SLC16A6: variants seen among roughly 807,000 people sequenced by gnomAD.
SLC16A6 encodes the protein solute carrier family 16 member 6.
A neutral mutation model predicts 33.8 loss-of-function variants in SLC16A6; 15 were observed. The ratio of observed to expected loss-of-function variants is 0.44; its 90% CI spans 0.30 to 0.68. The LOEUF (loss-of-function observed/expected upper bound fraction) is 0.68. SLC16A6 is among the 30% of genes least tolerant of loss of function. The pLI, the probability that SLC16A6 is intolerant of heterozygous loss-of-function variation, is 0.10. For missense variants in SLC16A6, 451 were observed against 661.5 expected (o/e 0.68, Z 3.49); for synonymous variants, 219 against 248.4 (o/e 0.88, Z 1.11).
At chr17:68,269,625 T>A (rs1555747764) in intron 5 of SLC16A6, among the ~76,000 whole-genome samples, 3 of 147,100 alleles carry the variant, frequency 2.0e-5, no homozygotes, top group Non-Finnish European at 1.5e-5. Flanking sequence ...AAAGGTAATA[T>A]TCTTCGGTAG....
chr17:68,279,304 G>A (rs782820999), intron 1 of SLC16A6, among the ~76,000 whole-genome samples: 12 of 151,794 alleles, frequency 7.9e-5, no homozygotes, highest in Non-Finnish European at 1.5e-4. Flanking sequence ...CCTGGCCACC[G>A]CGATCACCTA....
chr17:68,274,242 G>T, intron 2 of SLC16A6, 172 bp from the exon 3 acceptor site: 1 of 582,400 alleles, frequency 1.7e-6, no homozygotes. Context: ...GAGGACGGAG[G>T]ATCGCTTGAG....
chr17:68,271,505 G>A lies in SLC16A6; in HGVS notation c.655C>T (p.Arg219Trp), dbSNP rs145765322. ...ASPKIVIQEN[R>W]KEAQYMLENE... ...TCAAGCATATACTGCGCTTCTTTCC[G>A]ATTTTCCTGGATGACTATTTTCGGT... Residue 219 changes from arginine to tryptophan, a missense_variant, in exon 5 of 6, where the codon CGG becomes TGG. Around this residue, in one of 2 missense-constraint regions of SLC16A6, gnomAD observed 405 missense variants for 510.7 expected, o/e 0.79. Transcript: ENST00000580666. This position sits in a 1 kb window ranked among gnomAD's most constrained non-coding sequence, Gnocchi z 5.3. 1.2e-5 allele frequency: 20 copies of A among 1,613,960 alleles called. No individual in the cohort carries two copies. In the African/African-American group the frequency reaches 1.9e-4, roughly 15 times the overall value.
Position 68,271,289 on chromosome 17 carries a change from C to G in SLC16A6, c.871G>C (p.Glu291Gln). 5.0e-6 allele frequency: 8 copies of G among 1,614,204 alleles called. No individual in the cohort carries two copies. The Middle Eastern group carries it at 4.9e-4, about 100-fold the overall frequency. The change falls in exon 5 of 6, where the codon GAG becomes CAG. Residue 291 changes from glutamate to glutamine, a missense_variant. Around this residue, in one of 2 missense-constraint regions of SLC16A6, gnomAD observed 405 missense variants for 510.7 expected, o/e 0.79. Coordinates refer to ENST00000580666, the MANE Select transcript of SLC16A6 (RefSeq NM_004694.5). This position sits in a 1 kb window ranked among gnomAD's most constrained non-coding sequence, Gnocchi z 5.3. The stretch of plus-strand genomic sequence containing the variant: ...AATGCATAACAAATAAAACTTTTCT[C>G]TTTCAAAATGGAGAAGTCTAATAGC... ...APLLDFSILK[E>Q]KSFICYALFG...
chr17:68,271,705 C>T lies in SLC16A6; in HGVS notation c.506-51G>A. The T allele has an allele frequency of 6.9e-7, 1 of 1,453,502 alleles. No individual in the cohort carries two copies. The highest frequency in any genetic ancestry group is 1.3e-5 in the South Asian group (1 of 79,516). 90.0% of individuals were successfully genotyped at this position (1,453,502 alleles called of 1,614,324 possible). A position where few individuals can be genotyped will look rare whatever the true frequency, so the allele number is the denominator to read the frequency against. On this transcript the variant is annotated intron_variant, in intron 4 of 5. Transcript: ENST00000580666. The surrounding 1 kb of genome is among the most constrained non-coding windows in gnomAD (Gnocchi z 5.3). ...AATAATATAAGGTCAATAATGGACT[C>T]AAGACCCAGGAGAAGCCATCAAGAA...
rs1250011332 is a variant in SLC16A6, at chr17:68,269,028, T to C, written c.*68A>G. 6.3e-7 allele frequency: 1 copy of C among 1,593,138 alleles called. No individual in the cohort carries two copies. The highest frequency in any genetic ancestry group is 1.4e-5 in the African/African-American group (1 of 73,698). On this transcript the variant is annotated 3_prime_UTR_variant, in exon 6 of 6. Coordinates refer to ENST00000580666, the MANE Select transcript of SLC16A6 (RefSeq NM_004694.5). ...AGAGGGGTTAGCTCCTCTGCCTCCTTGTGTCCCCGTTGGGCCCACCCCATC... is the reference window on the plus strand; with the variant it reads ...AGAGGGGTTAGCTCCTCTGCCTCCTCGTGTCCCCGTTGGGCCCACCCCATC...
At chr17:68,278,010 C>T in intron 2 of SLC16A6, 79 bp downstream of exon 2, 1 of 905,234 alleles carries the variant, frequency 1.1e-6, no homozygotes, top group Non-Finnish European at 1.7e-6. Flanking sequence ...ATCACAAACA[C>T]ATCGACTACC....
intron 1 of SLC16A6, among the ~76,000 whole-genome samples, chr17:68,283,688 A>G (rs531536742): frequency 6.6e-6 from 1 of 151,750 alleles, no homozygotes; most frequent in East Asian, 2.0e-4. Flanking sequence ...CCCTGAAAGT[A>G]TAGTCTTGAA....
At chr17:68,287,822 A>C (rs1303252345) in intron 1 of SLC16A6, among the ~76,000 whole-genome samples, 1 of 152,198 alleles carries the variant, frequency 6.6e-6, no homozygotes. Context: ...GTATTTAAGT[A>C]AAGTCATGCA....
chr17:68,289,644 TAAAA>T (rs538435215), intron 1 of SLC16A6, among the ~76,000 whole-genome samples: 3 of 152,104 alleles, frequency 2.0e-5, no homozygotes, highest in Non-Finnish European at 4.4e-5. Flanking sequence ...ATTCTCTATT[TAAAA>T]AAAATTTCCA....
intron 1 of SLC16A6, among the ~76,000 whole-genome samples, chr17:68,284,417 T>C (rs781994877): frequency 1.4e-4 from 21 of 152,014 alleles, no homozygotes; most frequent in Non-Finnish European, 2.8e-4. Flanking sequence ...AAATAATAAA[T>C]AAAATGTAAA....
Position 68,270,965 on chromosome 17 carries a change from T to C in SLC16A6, c.1195A>G (p.Ile399Val). Residue 399 changes from isoleucine (I) to valine (V), a missense_variant, in exon 5 of 6, where the codon ATA (isoleucine) becomes GTA (valine). Coordinates refer to ENST00000580666, the MANE Select transcript of SLC16A6 (RefSeq NM_004694.5). Reference sequence around the variant, plus strand: ...AGCAGTGGAATGTGAGTCCCTCCTATTGTTCCAACCATAAACCCAAAAAAT... The same window carrying C: ...AGCAGTGGAATGTGAGTCCCTCCTACTGTTCCAACCATAAACCCAAAAAAT... Reference protein sequence around the residue: ...SIFFGFMVGTIGGTHIPLLAE... With the variant: ...SIFFGFMVGTVGGTHIPLLAE... The C allele has an allele frequency of 1.9e-6, 3 of 1,614,166 alleles. No individual in the cohort carries two copies. Among genetic ancestry groups the C allele is most frequent in the South Asian group, 1.1e-5 (1 of 91,076 alleles).
At chr17:68,279,352 C>G (rs2075622754) in intron 1 of SLC16A6, among the ~76,000 whole-genome samples, 1 of 151,998 alleles carries the variant, frequency 6.6e-6, no homozygotes, top group Non-Finnish European at 1.5e-5. Context: ...ACTCAGTAAG[C>G]AATATTCTGA....
intron 1 of SLC16A6, among the ~76,000 whole-genome samples, chr17:68,290,503 G>T (rs2075948630): frequency 1.3e-5 from 2 of 152,242 alleles, no homozygotes; most frequent in Non-Finnish European, 2.9e-5. Flanking sequence ...TGACAGTCCA[G>T]GTGGAGGACC....
chr17:68,280,877 C>G (rs1284782829), intron 1 of SLC16A6, among the ~76,000 whole-genome samples: 2 of 152,184 alleles, frequency 1.3e-5, no homozygotes, highest in African/African-American at 4.8e-5. Flanking sequence ...ATAATCCCAG[C>G]ACTTCGGGAT....
intron 2 of SLC16A6, among the ~76,000 whole-genome samples, chr17:68,277,632 G>A (rs1261204234): frequency 1.3e-5 from 2 of 152,164 alleles, no homozygotes; most frequent in East Asian, 3.9e-4. Context: ...GTTTCGCCAT[G>A]TTGGCCAGCC....
chr17:68,267,856 A>G lies in SLC16A6; in HGVS notation c.*1240T>C, dbSNP rs2075204084. ...TGTGTTATAGAAGATGTAAATTGCAACTTGTAACTCGCTATAACATAATTG... is the reference window on the plus strand; with the variant it reads ...TGTGTTATAGAAGATGTAAATTGCAGCTTGTAACTCGCTATAACATAATTG... On this transcript the variant is annotated 3_prime_UTR_variant, in exon 6 of 6. Coordinates refer to ENST00000580666, the MANE Select transcript of SLC16A6 (RefSeq NM_004694.5). 1 of 152,238 alleles carries G rather than the reference A, an allele frequency of 6.6e-6. No homozygotes were observed. Among genetic ancestry groups the G allele is most frequent in the African/African-American group, 2.4e-5 (1 of 41,468 alleles). 9.4% of individuals were successfully genotyped at this position (152,238 alleles called of 1,614,324 possible).
chr17:68,284,055 C>A (rs931023524), intron 1 of SLC16A6, among the ~76,000 whole-genome samples: 2 of 146,702 alleles, frequency 1.4e-5, no homozygotes, highest in African/African-American at 5.1e-5. Context: ...CACACCACTG[C>A]ACTCCAGCCT....
In SLC16A6 at chr17:68,282,779, TAAAA is replaced by T. The variant is rs36155626; in HGVS notation, c.-7-4456_-7-4453del. Among the ~76,000 whole-genome samples, 3 of 53,398 alleles carry T rather than the reference TAAAA, an allele frequency of 5.6e-5. 1 individual carries two copies. Among genetic ancestry groups the T allele is most frequent in the Middle Eastern group, 0.028 (2 of 72 alleles). The allele number at this position is 53,398 out of a possible 152,430, so 35.0% of individuals were successfully genotyped here. A position where few individuals can be genotyped will look rare whatever the true frequency, so the allele number is the denominator to read the frequency against. ...CAACATAGTGAAACCCCATCTCTAC[TAAAA>T]AAAAAAAAAAAAAAAAAGGCCAGGT... On this transcript the variant is annotated intron_variant, in intron 1 of 5. Coordinates refer to ENST00000580666, the MANE Select transcript of SLC16A6 (RefSeq NM_004694.5).
Sources: allele counts gnomAD v4.1 joint callset (sites outside exome capture counted in the v4.1 genomes callset), GRCh38; gene constraint gnomAD v4.1.1; regional missense constraint gnomAD v4.1.1; non-coding constraint Gnocchi (gnomAD v3.1); transcripts MANE v1.5; gene names NCBI Gene and HGNC (gene_info 2026-07-23, HGNC 2026-07-21).